JAZF1: variants seen among roughly 807,000 people sequenced by gnomAD.
JAZF1 encodes the protein juxtaposed with another zinc finger protein 1.
JAZF1 carries 8 observed loss-of-function variants against 26.4 expected under a neutral mutation model. The ratio of observed to expected loss-of-function variants is 0.30; its 90% CI spans 0.18 to 0.55. The LOEUF is 0.55. JAZF1 is among the 20% of genes least tolerant of loss of function. The pLI, the probability that JAZF1 is intolerant of heterozygous loss-of-function variation, is 0.94. For missense variants in JAZF1, 199 were observed against 322.0 expected, an observed-to-expected ratio of 0.62 and a Z score of 2.92; for synonymous variants, 126 against 122.3, an observed-to-expected ratio of 1.03 and a Z score of -0.20.
At chr7:28,102,780 A>C (rs1267363894) in intron 1 of JAZF1, among the ~76,000 whole-genome samples, 2 of 152,236 alleles carry the variant, frequency 1.3e-5, no homozygotes, top group Non-Finnish European at 2.9e-5. Flanking sequence ...AATATGAGAA[A>C]TCAAAATTTT....
At chr7:28,035,617 T>C (rs1381834769) in intron 1 of JAZF1, among the ~76,000 whole-genome samples, 5 of 152,172 alleles carry the variant, frequency 3.3e-5, no homozygotes, top group Admixed American at 2.6e-4. Context: ...CTTGCTTTAC[T>C]TTTGGGAAGG....
chr7:27,944,088 G>T (rs1784891760), intron 2 of JAZF1, among the ~76,000 whole-genome samples: 1 of 152,164 alleles, frequency 6.6e-6, no homozygotes, highest in Non-Finnish European at 1.5e-5. Flanking sequence ...CTACAGATGG[G>T]CTTAGCATGA....
rs569786686 is a variant in JAZF1, at chr7:28,016,102, C to T, written c.116-24121G>A. Among the ~76,000 whole-genome samples, 27 of 152,258 alleles carry T rather than the reference C, an allele frequency of 1.8e-4. No individual in the cohort carries two copies. The East Asian group carries it at 3.7e-3, about 21-fold the overall frequency. Reference sequence around the variant, plus strand: ...GAGTGAACTGCATGCTGAAAGCTGCCGGTGCCTTCAGACCAAGCCAGTTGG... The same window carrying T: ...GAGTGAACTGCATGCTGAAAGCTGCTGGTGCCTTCAGACCAAGCCAGTTGG... On this transcript the variant is annotated intron_variant, in intron 1 of 4. Coordinates refer to ENST00000283928, the MANE Select transcript of JAZF1 (RefSeq NM_175061.4).
intron 1 of JAZF1, among the ~76,000 whole-genome samples, chr7:28,176,845 G>A (rs1467303811): frequency 6.6e-6 from 1 of 152,080 alleles, no homozygotes; most frequent in Non-Finnish European, 1.5e-5. Flanking sequence ...GGTTGTAGCG[G>A]CATTTCATGA....
At chr7:27,862,563 G>A (rs1783404186) in intron 3 of JAZF1, among the ~76,000 whole-genome samples, 1 of 152,176 alleles carries the variant, frequency 6.6e-6, no homozygotes, top group African/African-American at 2.4e-5. Flanking sequence ...TCTCTCCAAA[G>A]AGAGACCACG....
At chr7:28,165,092 C>T (rs1028757527) in intron 1 of JAZF1, among the ~76,000 whole-genome samples, 12 of 152,020 alleles carry the variant, frequency 7.9e-5, no homozygotes, top group African/African-American at 2.4e-4. Flanking sequence ...TTGCTTGAGC[C>T]GGAGAGGCGG....
At chr7:27,909,567 C>A (rs1392008020) in intron 2 of JAZF1, among the ~76,000 whole-genome samples, 2 of 152,058 alleles carry the variant, frequency 1.3e-5, no homozygotes, top group Non-Finnish European at 2.9e-5. Flanking sequence ...ATTAGCCGGG[C>A]ATGGTGGCAC....
At chr7:28,076,786 C>T (rs980797172) in intron 1 of JAZF1, among the ~76,000 whole-genome samples, 3 of 147,404 alleles carry the variant, frequency 2.0e-5, no homozygotes, top group Non-Finnish European at 4.5e-5. Context: ...CATAAGAAAA[C>T]ATTGTGCAAA....
At chr7:27,904,700 A>G (rs1784221231) in intron 2 of JAZF1, among the ~76,000 whole-genome samples, 1 of 151,774 alleles carries the variant, frequency 6.6e-6, no homozygotes, top group Non-Finnish European at 1.5e-5. Context: ...CATGCTATTA[A>G]AATTCTAATG....
At chr7:27,900,955 G>T (rs1470143537) in intron 2 of JAZF1, among the ~76,000 whole-genome samples, 7 of 150,636 alleles carry the variant, frequency 4.6e-5, no homozygotes, top group Non-Finnish European at 1.0e-4. Flanking sequence ...AAGAATTTTT[G>T]ATGTTTCCTG....
At chr7:27,902,626 T>C (rs1198812369) in intron 2 of JAZF1, among the ~76,000 whole-genome samples, 2 of 152,116 alleles carry the variant, frequency 1.3e-5, no homozygotes, top group African/African-American at 4.8e-5. Flanking sequence ...CGACCAAGGG[T>C]TGTGGTGAGG....
At chr7:27,849,963 G>A (rs1169151558) in intron 3 of JAZF1, among the ~76,000 whole-genome samples, 1 of 151,982 alleles carries the variant, frequency 6.6e-6, no homozygotes, top group African/African-American at 2.4e-5. Flanking sequence ...GCCCAATTCT[G>A]TTTTACTACC....
intron 2 of JAZF1, among the ~76,000 whole-genome samples, chr7:27,958,366 C>A (rs1000090125): frequency 6.6e-6 from 1 of 152,138 alleles, no homozygotes; most frequent in African/African-American, 2.4e-5. Flanking sequence ...AGAGAGAAAC[C>A]ATTTTTTAGC....
At chr7:28,076,195 C>G (rs1784048771) in intron 1 of JAZF1, among the ~76,000 whole-genome samples, 1 of 152,204 alleles carries the variant, frequency 6.6e-6, no homozygotes, top group South Asian at 2.1e-4. Flanking sequence ...CAAGGGGCTC[C>G]ATTATGAGCA....
At chr7:27,895,502 G>A (rs772813568) in intron 2 of JAZF1, 86 bp from the exon 3 acceptor site, 45 of 994,260 alleles carry the variant, frequency 4.5e-5, no homozygotes, top group East Asian at 3.4e-4. Flanking sequence ...AGACATGCAC[G>A]ACCCTGGAAA....
intron 2 of JAZF1, among the ~76,000 whole-genome samples, chr7:27,938,443 G>T (rs923405832): frequency 6.6e-6 from 1 of 152,172 alleles, no homozygotes; most frequent in African/African-American, 2.4e-5. Flanking sequence ...CTAGCTCTTT[G>T]TCCTGTAGCG....
intron 1 of JAZF1, among the ~76,000 whole-genome samples, chr7:28,180,007 C>T (rs1324279298): frequency 1.1e-4 from 16 of 146,392 alleles, no homozygotes; most frequent in Non-Finnish European, 2.3e-4. Context: ...GCAGCGCCCG[C>T]CCCCCGCTGC....
chr7:28,055,596 T>C (rs904732905), intron 1 of JAZF1, among the ~76,000 whole-genome samples: 2 of 152,246 alleles, frequency 1.3e-5, no homozygotes, highest in Admixed American at 6.5e-5. Flanking sequence ...TTGTTTATTA[T>C]GGATTTGATA....
At chr7:28,130,706 T>C (rs1782779331) in intron 1 of JAZF1, among the ~76,000 whole-genome samples, 1 of 152,238 alleles carries the variant, frequency 6.6e-6, no homozygotes, top group South Asian at 2.1e-4. Context: ...AAGCTCTATG[T>C]AGACTGTCGA....
Sources: gnomAD v4.1 joint callset for allele counts (sites outside exome capture counted in the v4.1 genomes callset) on GRCh38, gnomAD v4.1.1 for gene constraint, MANE v1.5 for transcripts, NCBI Gene and HGNC (gene_info 2026-07-23, HGNC 2026-07-21) for gene names.